Variants in DGKH observed in about 807,000 individuals in gnomAD.
DGKH encodes diacylglycerol kinase eta.
In DGKH, 90 loss-of-function variants were observed where a neutral mutation model predicts 159.3. That is an observed-to-expected ratio of 0.57 (90% CI 0.48 to 0.67). DGKH has a LOEUF of 0.67. DGKH is among the 30% of genes least tolerant of loss of function. DGKH has a pLI of 0.00. For synonymous variants in DGKH, 536 were observed against 553.8 expected, an observed-to-expected ratio of 0.97 and a Z score of 0.45; for missense variants, 1,181 against 1,506.1, an observed-to-expected ratio of 0.78 and a Z score of 3.57.
At position 42,215,654 on chromosome 13, in the gene DGKH, G is replaced by T. The variant is rs1487537294; in HGVS notation, c.3200G>T (p.Gly1067Val). Reference protein sequence around the residue: ...LYNETESLLVGRVPLQLESPH... With the variant: ...LYNETESLLVVRVPLQLESPH... The stretch of plus-strand genomic sequence containing the variant: ...AATGAAACAGAATCTTTGCTAGTTG[G>T]CAGGGTTCCTTTGGTAAGGAAAAGA... The change falls in exon 26 of 30, where the codon GGC (glycine) becomes GTC (valine). Residue 1067 changes from glycine to valine, a missense_variant. This residue lies in a region of DGKH where 335 missense variants were observed against 495.2 expected (regional missense o/e 0.68). Transcript: ENST00000337343. The T allele has an allele frequency of 6.2e-7, 1 of 1,609,550 alleles. No individual in the cohort carries two copies. The highest frequency in any genetic ancestry group is 1.3e-5 in the African/African-American group (1 of 74,856).
Position 42,132,890 on chromosome 13 carries a change from C to T in DGKH, c.384+3258C>T, listed in dbSNP as rs572432049. On this transcript the variant is annotated intron_variant, in intron 3 of 29. Transcript: ENST00000337343. ...TGTCTAAAAAAAATTTTTTTTTGGC[C>T]GGGCGTGATGGCTCACGTCTGTAAT... Among the ~76,000 whole-genome samples the T allele has an allele frequency of 4.6e-5, 7 of 151,924 alleles. No homozygotes were observed. In the South Asian group the frequency reaches 1.0e-3, roughly 23 times the overall value.
At chr13:42,176,761 G>A (rs933900279) in intron 12 of DGKH, among the ~76,000 whole-genome samples, 1 of 152,170 alleles carries the variant, frequency 6.6e-6, no homozygotes, top group African/African-American at 2.4e-5. Flanking sequence ...GAAGAGCATA[G>A]GCGGCCAGCT....
Position 42,110,442 on chromosome 13 carries a change from C to G in DGKH, c.193-17021C>G, listed in dbSNP as rs978974477. ...TTTATTTTAGACAACATCAGAATGT[C>G]CCCACATCAAAATAGTTGCATCATT... On this transcript the variant is annotated intron_variant, in intron 1 of 29. Coordinates refer to ENST00000337343, the MANE Select transcript of DGKH (RefSeq NM_178009.5). 2.6e-5 allele frequency among the ~76,000 whole-genome samples: 4 copies of G among 152,130 alleles called. No individual in the cohort carries two copies. The South Asian group carries it at 6.2e-4, about 24-fold the overall frequency.
chr13:42,077,615 G>A (rs560304282), intron 1 of DGKH, among the ~76,000 whole-genome samples: 1 of 152,306 alleles, frequency 6.6e-6, no homozygotes, highest in Non-Finnish European at 1.5e-5. Context: ...GCTTGGCCCT[G>A]GCCTTGAACT....
At chr13:42,225,996 A>T (rs1176420994) in intron 29 of DGKH, among the ~76,000 whole-genome samples, 3 of 152,108 alleles carry the variant, frequency 2.0e-5, no homozygotes, top group Non-Finnish European at 2.9e-5. Flanking sequence ...AGAAACTATA[A>T]TCAGAGCGAA....
intron 29 of DGKH, among the ~76,000 whole-genome samples, chr13:42,225,008 A>G (rs1375202153): frequency 1.3e-5 from 2 of 151,902 alleles, no homozygotes; most frequent in African/African-American, 4.8e-5. Flanking sequence ...TGCAGCCTCA[A>G]CCTCCTGAGC....
Position 42,048,681 on chromosome 13 carries a change from G to T in DGKH, c.-93G>T, listed in dbSNP as rs1019269283. 8.2e-7 allele frequency: 1 copy of T among 1,213,778 alleles called. No individual in the cohort carries two copies. The allele number at this position is 1,213,778 out of a possible 1,614,324, so 75.2% of individuals were successfully genotyped here. On this transcript the variant is annotated 5_prime_UTR_variant, in exon 1 of 30. Transcript: ENST00000337343. This position sits in a 1 kb window ranked among gnomAD's most constrained non-coding sequence, Gnocchi z 6.7. ...GAAGATGGCGGCGGCGGCCGGGCAC[G>T]GGGTTCCGGGCTCCGCTCGGGCAGA...
At chr13:42,178,647 T>G (rs1956668573) in intron 13 of DGKH, among the ~76,000 whole-genome samples, 1 of 152,238 alleles carries the variant, frequency 6.6e-6, no homozygotes. Flanking sequence ...TTTCTCAGCA[T>G]GTTTAAATTG....
chr13:42,225,247 A>T (rs1425765525), intron 29 of DGKH: 1 of 1,573,644 alleles, frequency 6.4e-7, no homozygotes, highest in African/African-American at 1.4e-5. Flanking sequence ...AATGTGCTTT[A>T]GCAGATAAGG....
intron 30 of DGKH, among the ~76,000 whole-genome samples, chr13:42,255,544 A>G (rs1208619817): frequency 6.6e-6 from 1 of 152,206 alleles, no homozygotes; most frequent in Non-Finnish European, 1.5e-5. Flanking sequence ...CAAAATGTGA[A>G]GGCAGAAAAA....
chr13:42,106,365 C>T (rs1249267013), intron 1 of DGKH, among the ~76,000 whole-genome samples: 1 of 152,136 alleles, frequency 6.6e-6, no homozygotes, highest in Non-Finnish European at 1.5e-5. Context: ...GCCATGCCTT[C>T]CAAGTGAAAA....
chr13:42,125,939 A>G (rs1311556985), intron 1 of DGKH, among the ~76,000 whole-genome samples: 1 of 151,808 alleles, frequency 6.6e-6, no homozygotes, highest in African/African-American at 2.4e-5. Flanking sequence ...TTTTGGTTCT[A>G]CAAGCTGTTT....
At chr13:42,114,298 G>A (rs961567213) in intron 1 of DGKH, among the ~76,000 whole-genome samples, 2 of 152,168 alleles carry the variant, frequency 1.3e-5, no homozygotes, top group African/African-American at 4.8e-5. Flanking sequence ...AGTGCTGCTG[G>A]GTTCCTGCCA....
At chr13:42,222,335 C>A (rs901149674) in intron 29 of DGKH, among the ~76,000 whole-genome samples, 1 of 152,056 alleles carries the variant, frequency 6.6e-6, no homozygotes, top group African/African-American at 2.4e-5. Context: ...GTTGTTGCAC[C>A]TTTATCTACA....
At chr13:42,067,136 A>T (rs759966003) in intron 1 of DGKH, among the ~76,000 whole-genome samples, 14 of 152,170 alleles carry the variant, frequency 9.2e-5, no homozygotes, top group Non-Finnish European at 2.1e-4. Context: ...AGTATTTCCC[A>T]TAGGGTCAGT....
At chr13:42,244,903 C>CAAAAAAAAAAAA (rs57184890), downstream of DGKH, among the ~76,000 whole-genome samples, 3 of 42,966 alleles carry the variant, frequency 7.0e-5, no homozygotes, top group Non-Finnish European at 1.1e-4. Flanking sequence ...GACTCCGTCT[C>CAAAAAAAAAAAA]AAAAAAAAAA....
chr13:42,176,718 G>A (rs188323028), intron 12 of DGKH, among the ~76,000 whole-genome samples: 51 of 152,238 alleles, frequency 3.4e-4, no homozygotes, highest in Admixed American at 3.3e-3. Flanking sequence ...AGGCTGATTG[G>A]TAGAAGTAAT....
chr13:42,058,292 A>G (rs1037465023), intron 1 of DGKH, among the ~76,000 whole-genome samples: 1 of 152,252 alleles, frequency 6.6e-6, no homozygotes, highest in Non-Finnish European at 1.5e-5. Context: ...TTATAATGAA[A>G]TGATGCATGA....
intron 1 of DGKH, among the ~76,000 whole-genome samples, chr13:42,102,023 T>C (rs1244541420): frequency 6.6e-6 from 1 of 152,192 alleles, no homozygotes; most frequent in Non-Finnish European, 1.5e-5. Context: ...TCACATTCCT[T>C]AGTGAAGGTT....
Sources: gnomAD v4.1 joint callset for allele counts (sites outside exome capture counted in the v4.1 genomes callset) on GRCh38, gnomAD v4.1.1 for gene constraint, gnomAD v4.1.1 regional missense constraint, Gnocchi (gnomAD v3.1) non-coding constraint, MANE v1.5 for transcripts, NCBI Gene and HGNC (gene_info 2026-07-23, HGNC 2026-07-21) for gene names.